RPL14: variants seen among roughly 807,000 people sequenced by gnomAD.
RPL14 encodes the protein ribosomal protein L14.
Under a neutral mutation model 25.3 loss-of-function variants are expected in RPL14, and 4 were observed. The ratio of observed to expected loss-of-function variants is 0.16; its 90% CI spans 0.08 to 0.36. The LOEUF is 0.36. RPL14 is among the 10% of genes least tolerant of loss of function. The pLI is 1.00. For missense variants in RPL14, 212 were observed against 261.9 expected, an observed-to-expected ratio of 0.81 and a Z score of 1.31; for synonymous variants, 75 against 89.8, an observed-to-expected ratio of 0.84 and a Z score of 0.93.
chr3:40,464,098 C>T lies in RPL14; in HGVS notation c.*1866C>T, dbSNP rs1302582569. Reference sequence around the variant, plus strand: ...TGTTCTGCCTCAGCCTCCCAAGTAGCAGGGGTTAAATGCGTGTACCACCAT... The same window carrying T: ...TGTTCTGCCTCAGCCTCCCAAGTAGTAGGGGTTAAATGCGTGTACCACCAT... On this transcript the variant is annotated 3_prime_UTR_variant, in exon 6 of 6. Transcript: ENST00000396203. The T allele has an allele frequency of 1.1e-5, 2 of 178,140 alleles. No homozygotes were observed. Among genetic ancestry groups the T allele is most frequent in the African/African-American group, 4.7e-5 (2 of 42,526 alleles). The allele number at this position is 178,140 out of a possible 1,614,324, so 11.0% of individuals were successfully genotyped here. A position where few individuals can be genotyped will look rare whatever the true frequency, so the allele number is the denominator to read the frequency against.
At chr3:40,461,695 A>G (rs149970194) in intron 5 of RPL14, 34 bp downstream of exon 5, 9 of 1,563,384 alleles carry the variant, frequency 5.8e-6, no homozygotes, top group African/African-American at 2.8e-5. Context: ...TGTGTAACTT[A>G]GCTTTAAATA....
At position 40,464,026 on chromosome 3, in the gene RPL14, G is replaced by A. The variant is rs1045563638; in HGVS notation, c.*1794G>A. 6.6e-6 allele frequency: 1 copy of A among 152,296 alleles called. No individual in the cohort carries two copies. The highest frequency in any genetic ancestry group is 1.9e-4 in the East Asian group (1 of 5,312). The allele number at this position is 152,296 out of a possible 1,614,324, so 9.4% of individuals were successfully genotyped here. A position where few individuals can be genotyped will look rare whatever the true frequency, so the allele number is the denominator to read the frequency against. ...TTACTCTTGCCCAGGCTGGAATGTA[G>A]TGGCACGATCTCAGCTCACTGCGAC... is the stretch of plus-strand genomic sequence containing the variant. On this transcript the variant is annotated 3_prime_UTR_variant, in exon 6 of 6. Transcript: ENST00000396203.
intron 3 of RPL14, chr3:40,458,967 A>G (rs1696886393): frequency 6.5e-6 from 3 of 459,146 alleles, no homozygotes; most frequent in Non-Finnish European, 1.2e-5. Context: ...CTTGAGCCCA[A>G]GTTTCAAGAC....
In RPL14 at chr3:40,464,063, A is replaced by C. The variant is rs1205437955; in HGVS notation, c.*1831A>C. ...CAGCTCACTGCGACCTCCACCTCCC[A>C]GGTTCAAGTTGTTCTGCCTCAGCCT... On this transcript the variant is annotated 3_prime_UTR_variant, in exon 6 of 6. Coordinates refer to ENST00000396203, the MANE Select transcript of RPL14 (RefSeq NM_001034996.3). 6.1e-6 allele frequency: 1 copy of C among 163,654 alleles called. No homozygotes were observed. Among genetic ancestry groups the C allele is most frequent in the Non-Finnish European group, 1.3e-5 (1 of 75,860 alleles). The allele number at this position is 163,654 out of a possible 1,614,324, so 10.1% of individuals were successfully genotyped here.
At chr3:40,458,190 C>G in intron 2 of RPL14, 199 bp downstream of exon 2, 1 of 595,076 alleles carries the variant, frequency 1.7e-6, no homozygotes, top group Non-Finnish European at 3.0e-6. Flanking sequence ...GTATTAGCCA[C>G]TTAAGCTAGA....
At position 40,458,750 on chromosome 3, in the gene RPL14, A is replaced by T; in HGVS notation, c.200+14A>T. On this transcript the variant is annotated intron_variant, in intron 3 of 5. Coordinates refer to ENST00000396203, the MANE Select transcript of RPL14 (RefSeq NM_001034996.3). ...GTTTCCGCACAGGTAACTGTCCACTAATCACTCCTCCCTCCCATCCCCAGA... is the reference window on the plus strand; with the variant it reads ...GTTTCCGCACAGGTAACTGTCCACTTATCACTCCTCCCTCCCATCCCCAGA... 4.4e-6 allele frequency: 7 copies of T among 1,604,724 alleles called. No individual in the cohort carries two copies. Among genetic ancestry groups the T allele is most frequent in the Non-Finnish European group, 6.0e-6 (7 of 1,171,526 alleles).
In RPL14 at chr3:40,465,758, C is replaced by G. The variant is rs1026133340; in HGVS notation, c.*3526C>G. The G allele has an allele frequency of 3.3e-5, 5 of 152,170 alleles. No homozygotes were observed. The highest frequency in any genetic ancestry group is 6.5e-5 in the Admixed American group (1 of 15,270). 9.4% of individuals were successfully genotyped at this position (152,170 alleles called of 1,614,324 possible). On this transcript the variant is annotated 3_prime_UTR_variant, in exon 6 of 6. Coordinates refer to ENST00000396203, the MANE Select transcript of RPL14 (RefSeq NM_001034996.3). ...AAAGCTTCAGGGTAGAAGCAGTATTCAAGCTGCACCTAGAAAACAGTGCAA... is the reference window on the plus strand; with the variant it reads ...AAAGCTTCAGGGTAGAAGCAGTATTGAAGCTGCACCTAGAAAACAGTGCAA...
rs1482703788 is a variant in RPL14, at chr3:40,462,405, C to G, written c.*173C>G. ...TTTTTTTTTTTTTTTGAGATGGAGT[C>G]TCGTTCTGTTGCTCAGGCCGGACTG... On this transcript the variant is annotated 3_prime_UTR_variant, in exon 6 of 6. Coordinates refer to ENST00000396203, the MANE Select transcript of RPL14 (RefSeq NM_001034996.3). 1.6e-6 allele frequency: 1 copy of G among 635,492 alleles called. No homozygotes were observed. Among genetic ancestry groups the G allele is most frequent in the African/African-American group, 2.2e-5 (1 of 44,618 alleles). The allele number at this position is 635,492 out of a possible 1,614,324, so 39.4% of individuals were successfully genotyped here.
chr3:40,461,848 A>G, intron 5 of RPL14, 91 bp from the exon 6 acceptor site: 1 of 1,405,234 alleles, frequency 7.1e-7, no homozygotes, highest in Non-Finnish European at 9.6e-7. Context: ...GTAGGGAAAC[A>G]GACTACTTAA....
intron 1 of RPL14, 190 bp from the exon 2 acceptor site, chr3:40,457,700 G>A: frequency 1.5e-6 from 1 of 663,426 alleles, no homozygotes; most frequent in Non-Finnish European, 2.6e-6. Flanking sequence ...GCGGGCGTTG[G>A]GAACCGGGCT....
intron 3 of RPL14, among the ~76,000 whole-genome samples, chr3:40,460,626 T>C (rs1216158417): frequency 2.6e-5 from 4 of 151,376 alleles, no homozygotes; most frequent in Non-Finnish European, 1.5e-5. Flanking sequence ...GTTTTTTTTT[T>C]CTTTTGACAC....
chr3:40,458,030 A>G (rs1282049474), intron 2 of RPL14, 39 bp downstream of exon 2: 5 of 1,533,092 alleles, frequency 3.3e-6, no homozygotes, highest in African/African-American at 1.4e-5. Flanking sequence ...GGCAGTGGAC[A>G]TGTGCCCTGC....
Position 40,458,704 on chromosome 3 carries a change from G to A in RPL14, c.168G>A (p.Gln56=), listed in dbSNP as rs1447758361. 1 of 1,614,144 alleles carries A rather than the reference G, an allele frequency of 6.2e-7. No homozygotes were observed. Among genetic ancestry groups the A allele is most frequent in the Non-Finnish European group, 8.5e-7 (1 of 1,180,002 alleles). ...AGGCCATGCCTTTCAAGTGCATGCA[G>A]CTCACTGATTTCATCCTCAAGTTTC... ...RRQAMPFKCM[Q]LTDFILKFPH... Residue 56 remains glutamine (Q), a synonymous_variant, in exon 3 of 6, where the codon CAG becomes CAA. Transcript: ENST00000396203.
chr3:40,462,835 C>T lies in RPL14; in HGVS notation c.*603C>T, dbSNP rs13073003. On this transcript the variant is annotated 3_prime_UTR_variant, in exon 6 of 6. Transcript: ENST00000396203. ...TCTTATGGTCACCTTGGCTTCAGAA[C>T]ATCTTTTTTCCTTGTACAAATATGT... 0.64 allele frequency: 97,133 copies of T among 152,086 alleles called. 31,343 individuals are homozygous for T. Among genetic ancestry groups the T allele is most frequent in the Non-Finnish European group, 0.7 (47,405 of 68,000 alleles). 9.4% of individuals were successfully genotyped at this position (152,086 alleles called of 1,614,324 possible). A position where few individuals can be genotyped will look rare whatever the true frequency, so the allele number is the denominator to read the frequency against.
In RPL14 at chr3:40,457,405, C is replaced by A. The variant is rs778780149; in HGVS notation, c.-67C>A. ...CGGGCTCCGGGGCCGTCGACCATGCCGCTCGACCTCCACCTCCGCTGGGAA... is the reference window on the plus strand; with the variant it reads ...CGGGCTCCGGGGCCGTCGACCATGCAGCTCGACCTCCACCTCCGCTGGGAA... On this transcript the variant is annotated 5_prime_UTR_variant, in exon 1 of 6. Transcript: ENST00000396203. 1.1e-5 allele frequency: 18 copies of A among 1,596,732 alleles called. No individual in the cohort carries two copies. Among genetic ancestry groups the A allele is most frequent in the South Asian group, 5.6e-5 (5 of 89,636 alleles).
In RPL14 at chr3:40,462,251, A is replaced by G; in HGVS notation, c.*19A>G. 6.4e-7 allele frequency: 1 copy of G among 1,569,002 alleles called. No homozygotes were observed. The highest frequency in any genetic ancestry group is 8.6e-7 in the Non-Finnish European group (1 of 1,163,104). ...AGCATAAGTGGCAATCATAAAAAGT[A>G]ATAAAGGTTCTTTTTGACCTGTTGA... On this transcript the variant is annotated 3_prime_UTR_variant, in exon 6 of 6. Coordinates refer to ENST00000396203, the MANE Select transcript of RPL14 (RefSeq NM_001034996.3).
intron 4 of RPL14, 39 bp from the exon 5 acceptor site, chr3:40,461,569 G>A: frequency 6.2e-7 from 1 of 1,601,194 alleles, no homozygotes; most frequent in Non-Finnish European, 8.5e-7. Flanking sequence ...AAGATAGTGT[G>A]AGAGGGATAA....
At position 40,463,544 on chromosome 3, in the gene RPL14, G is replaced by C. The variant is rs543577044; in HGVS notation, c.*1312G>C. 1.3e-5 allele frequency: 2 copies of C among 152,232 alleles called. No homozygotes were observed. Among genetic ancestry groups the C allele is most frequent in the South Asian group, 4.1e-4 (2 of 4,820 alleles). 9.4% of individuals were successfully genotyped at this position (152,232 alleles called of 1,614,324 possible). A position where few individuals can be genotyped will look rare whatever the true frequency, so the allele number is the denominator to read the frequency against. On this transcript the variant is annotated 3_prime_UTR_variant, in exon 6 of 6. Transcript: ENST00000396203. ...ATAAAAAGTAAACTAGGAAAATAGG[G>C]CAAGTATAAAAATTGCAGGTTGAGC...
chr3:40,464,578 G>A lies in RPL14; in HGVS notation c.*2346G>A, dbSNP rs1697001043. The A allele has an allele frequency of 4.0e-5, 18 of 452,016 alleles. No homozygotes were observed. Among genetic ancestry groups the A allele is most frequent in the South Asian group, 2.8e-4 (18 of 64,300 alleles). 28.0% of individuals were successfully genotyped at this position (452,016 alleles called of 1,614,324 possible). A position where few individuals can be genotyped will look rare whatever the true frequency, so the allele number is the denominator to read the frequency against. On this transcript the variant is annotated 3_prime_UTR_variant, in exon 6 of 6. Coordinates refer to ENST00000396203, the MANE Select transcript of RPL14 (RefSeq NM_001034996.3). The stretch of plus-strand genomic sequence containing the variant: ...GTAGGTTAGTGGTTAGATCGTGTAG[G>A]GGAACACGGGAAGCTACTGAGGGTT...
Sources: allele counts gnomAD v4.1 joint callset (sites outside exome capture counted in the v4.1 genomes callset), GRCh38; gene constraint gnomAD v4.1.1; transcripts MANE v1.5; gene names NCBI Gene and HGNC (gene_info 2026-07-23, HGNC 2026-07-21).